NCOA1: variants seen among roughly 807,000 people sequenced by gnomAD.
NCOA1 encodes the protein Hin-2 protein.
NCOA1 carries 35 observed loss-of-function variants against 150.9 expected under a neutral mutation model. The ratio of observed to expected loss-of-function variants is 0.23; its 90% confidence interval spans 0.18 to 0.31. NCOA1 has a LOEUF of 0.31. NCOA1 is among the 10% of genes least tolerant of loss of function. The pLI, the probability that NCOA1 is intolerant of heterozygous loss-of-function variation, is 1.00. For synonymous variants in NCOA1, 590 were observed against 630.0 expected (o/e 0.94, Z 0.95); for missense variants, 1,491 against 1,749.3 (o/e 0.85, Z 2.63).
At chr2:24,725,300 A>C (rs187236061) in intron 14 of NCOA1, among the ~76,000 whole-genome samples, 3 of 152,306 alleles carry the variant, frequency 2.0e-5, no homozygotes, top group Admixed American at 2.0e-4. Context: ...AGGTGGCTTA[A>C]ACAACAGAAA....
At position 24,523,157 on chromosome 2, in the gene NCOA1, C is replaced by T. The variant is rs115949926; in HGVS notation, c.-396+31555C>T. ...CAGAAAACATCTTCATGGACTGTGT[C>T]CTTCGGTCCTCCCTTGATGTCTTTC... On this transcript the variant is annotated intron_variant, in intron 1 of 22. Coordinates refer to ENST00000348332, the MANE Select transcript of NCOA1 (RefSeq NM_003743.5). Among the ~76,000 whole-genome samples, 1,434 of 152,306 alleles carry T rather than the reference C, an allele frequency of 9.4e-3. 21 individuals are homozygous for T. The highest frequency in any genetic ancestry group is 0.033 in the African/African-American group (1,367 of 41,558).
chr2:24,691,033 G>A (rs1672646593), intron 8 of NCOA1, among the ~76,000 whole-genome samples: 1 of 152,098 alleles, frequency 6.6e-6, no homozygotes, highest in Admixed American at 6.5e-5. Flanking sequence ...TCCCCAGAAA[G>A]GTGCACATCC....
intron 1 of NCOA1, among the ~76,000 whole-genome samples, chr2:24,563,307 G>C (rs1666361611): frequency 6.6e-6 from 1 of 152,198 alleles, no homozygotes; most frequent in Admixed American, 6.5e-5. Flanking sequence ...AGAATGGCTT[G>C]TGTTTTGAAT....
chr2:24,674,887 A>G (rs1308620021), intron 7 of NCOA1, among the ~76,000 whole-genome samples: 1 of 152,200 alleles, frequency 6.6e-6, no homozygotes, highest in African/African-American at 2.4e-5. Context: ...AGGTCTCACT[A>G]TATCTTGCAC....
chr2:24,741,049 A>G (rs906189257), intron 18 of NCOA1, among the ~76,000 whole-genome samples: 2 of 152,120 alleles, frequency 1.3e-5, no homozygotes, highest in Admixed American at 1.3e-4. Context: ...AGCTGTTTCC[A>G]TTTATTTCTT....
chr2:24,736,748 G>A (rs949655735), intron 17 of NCOA1, among the ~76,000 whole-genome samples: 3 of 152,166 alleles, frequency 2.0e-5, no homozygotes, highest in African/African-American at 7.2e-5. Context: ...TGTGCATTAA[G>A]GATGTTTAGC....
At chr2:24,583,420 G>C (rs1303353583) in intron 2 of NCOA1, among the ~76,000 whole-genome samples, 1 of 152,036 alleles carries the variant, frequency 6.6e-6, no homozygotes, top group Admixed American at 6.5e-5. Context: ...AGGATGTGGA[G>C]GAAAGGGCAC....
chr2:24,693,712 G>C (rs1672772727), intron 10 of NCOA1, among the ~76,000 whole-genome samples: 2 of 149,902 alleles, frequency 1.3e-5, no homozygotes, highest in African/African-American at 4.9e-5. Context: ...TTACTATTAT[G>C]CTTAAACGTA....
chr2:24,735,791 T>C (rs1663268833), intron 17 of NCOA1, among the ~76,000 whole-genome samples: 1 of 152,172 alleles, frequency 6.6e-6, no homozygotes. Context: ...TTACAAGCCT[T>C]TAGGTGTAAT....
At chr2:24,518,738 C>T (rs570383467) in intron 1 of NCOA1, among the ~76,000 whole-genome samples, 2 of 152,072 alleles carry the variant, frequency 1.3e-5, no homozygotes, top group Admixed American at 6.6e-5. Flanking sequence ...ACATCGAGCA[C>T]TATGAAGTAC....
intron 3 of NCOA1, among the ~76,000 whole-genome samples, chr2:24,620,142 A>G (rs1669058822): frequency 6.6e-6 from 1 of 152,112 alleles, no homozygotes; most frequent in African/African-American, 2.4e-5. Flanking sequence ...AGCAAGTTCA[A>G]AGCCCAAACT....
At chr2:24,593,626 G>A (rs1246306866) in intron 3 of NCOA1, among the ~76,000 whole-genome samples, 1 of 151,984 alleles carries the variant, frequency 6.6e-6, no homozygotes, top group Non-Finnish European at 1.5e-5. Context: ...CATCTTAATT[G>A]GAAATGACCT....
At chr2:24,761,469 T>A (rs1664792137) in intron 21 of NCOA1, among the ~76,000 whole-genome samples, 1 of 152,218 alleles carries the variant, frequency 6.6e-6, no homozygotes, top group Non-Finnish European at 1.5e-5. Context: ...TTTTATATCT[T>A]CCATATCTCC....
At chr2:24,653,740 A>G (rs564171328) in intron 4 of NCOA1, among the ~76,000 whole-genome samples, 1 of 152,186 alleles carries the variant, frequency 6.6e-6, no homozygotes, top group African/African-American at 2.4e-5. Flanking sequence ...TTTCAGATGG[A>G]TAAATTCTTA....
At chr2:24,643,312 G>A (rs1322553056) in intron 3 of NCOA1, among the ~76,000 whole-genome samples, 2 of 152,152 alleles carry the variant, frequency 1.3e-5, no homozygotes, top group African/African-American at 4.8e-5. Flanking sequence ...TCTCATAAGT[G>A]TGTATCTCAC....
Position 24,593,927 on chromosome 2 carries a change from A to G in NCOA1, c.-175+9367A>G, listed in dbSNP as rs577771660. ...TTCTAACTTAACTCTGCTACTGATT[A>G]TCTTTGCAATTTTTAGGAAGTGTAC... On this transcript the variant is annotated intron_variant, in intron 3 of 22. Transcript: ENST00000348332. 2.9e-4 allele frequency among the ~76,000 whole-genome samples: 44 copies of G among 152,302 alleles called. No homozygotes were observed. The South Asian group carries it at 7.2e-3, about 25-fold the overall frequency.
intron 10 of NCOA1, among the ~76,000 whole-genome samples, chr2:24,696,767 TGGG>T (rs1020531538): frequency 1.3e-5 from 2 of 152,036 alleles, no homozygotes; most frequent in Admixed American, 6.6e-5. Flanking sequence ...AATTTAAAGA[TGGG>T]GGTGGTGACA....
At chr2:24,493,417 A>T (rs1022580647) in intron 1 of NCOA1, among the ~76,000 whole-genome samples, 2 of 152,194 alleles carry the variant, frequency 1.3e-5, no homozygotes, top group Admixed American at 1.3e-4. Context: ...TTTTGTAGAT[A>T]TTTTCTACTG....
At chr2:24,749,013 G>A (rs1389088658) in intron 19 of NCOA1, among the ~76,000 whole-genome samples, 1 of 152,132 alleles carries the variant, frequency 6.6e-6, no homozygotes, top group Admixed American at 6.5e-5. Flanking sequence ...TTAACTGTGA[G>A]ATGTATTTTG....
Sources: allele counts gnomAD v4.1 joint callset (sites outside exome capture counted in the v4.1 genomes callset), GRCh38; gene constraint gnomAD v4.1.1; transcripts MANE v1.5; gene names NCBI Gene and HGNC (gene_info 2026-07-23, HGNC 2026-07-21).